Variants in OSBP2 observed in about 807,000 individuals in gnomAD.
The protein encoded by OSBP2 is oxysterol binding protein 2, also known as oxysterol-binding protein 2.
A neutral mutation model predicts 96.0 loss-of-function variants in OSBP2; 66 were observed. That is an observed-to-expected ratio of 0.69 (90% CI 0.56 to 0.84). OSBP2 has a LOEUF of 0.84. Ranked by LOEUF, OSBP2 falls within the 40% of genes least tolerant of loss-of-function variation. The pLI, the probability that OSBP2 is intolerant of heterozygous loss-of-function variation, is 0.00. For synonymous variants in OSBP2, 525 were observed against 520.9 expected, an observed-to-expected ratio of 1.01 and a Z score of -0.11; for missense variants, 1,038 against 1,222.7, an observed-to-expected ratio of 0.85 and a Z score of 2.25.
intron 2 of OSBP2, among the ~76,000 whole-genome samples, chr22:30,845,222 G>C (rs1237695743): frequency 1.3e-5 from 2 of 152,190 alleles, no homozygotes; most frequent in Non-Finnish European, 2.9e-5. Context: ...CCTGAGGTCA[G>C]GAGTTTACAG....
intron 2 of OSBP2, among the ~76,000 whole-genome samples, chr22:30,868,231 C>T (rs538312598): frequency 3.3e-5 from 5 of 152,390 alleles, no homozygotes; most frequent in African/African-American, 1.2e-4. Context: ...GCAGACAGAG[C>T]TGGACTCAGA....
At chr22:30,818,214 C>T (rs1467564509) in intron 2 of OSBP2, among the ~76,000 whole-genome samples, 2 of 152,152 alleles carry the variant, frequency 1.3e-5, no homozygotes, top group African/African-American at 2.4e-5. Flanking sequence ...ACTGTTTTAA[C>T]ATGTCAGTAT....
At chr22:30,875,687 C>A (rs1392646320) in intron 3 of OSBP2, among the ~76,000 whole-genome samples, 1 of 152,198 alleles carries the variant, frequency 6.6e-6, no homozygotes, top group Non-Finnish European at 1.5e-5. Flanking sequence ...AGGGTTCTTT[C>A]TAGCCGGACT....
chr22:30,812,574 T>C (rs2091023949), intron 2 of OSBP2, among the ~76,000 whole-genome samples: 1 of 152,230 alleles, frequency 6.6e-6, no homozygotes, highest in African/African-American at 2.4e-5. Context: ...TTCCAGAAAG[T>C]GCTGTGCAAA....
At chr22:30,829,158 C>G (rs562774386) in intron 2 of OSBP2, among the ~76,000 whole-genome samples, 1 of 152,202 alleles carries the variant, frequency 6.6e-6, no homozygotes, top group African/African-American at 2.4e-5. Context: ...GAGAACATAG[C>G]GTGCTCTCCA....
At position 30,906,806 on chromosome 22, in the gene OSBP2, G is replaced by A. The variant is rs2040345658; in HGVS notation, c.*467G>A. ...GACAGCTTTCCAAGTGTGCTTTCTT[G>A]CCACAAAAGTGTCCTGGCAAGAGCC... On this transcript the variant is annotated 3_prime_UTR_variant, in exon 14 of 14. Coordinates refer to ENST00000332585, the MANE Select transcript of OSBP2 (RefSeq NM_030758.4). 6.5e-6 allele frequency: 1 copy of A among 153,582 alleles called. No homozygotes were observed. The highest frequency in any genetic ancestry group is 1.9e-4 in the East Asian group (1 of 5,230). 9.5% of individuals were successfully genotyped at this position (153,582 alleles called of 1,614,324 possible). A position where few individuals can be genotyped will look rare whatever the true frequency, so the allele number is the denominator to read the frequency against.
intron 2 of OSBP2, among the ~76,000 whole-genome samples, chr22:30,859,999 A>C (rs1022387689): frequency 6.6e-6 from 1 of 152,146 alleles, no homozygotes; most frequent in Non-Finnish European, 1.5e-5. Flanking sequence ...GGAGCAAGGG[A>C]TGGAGCTGGA....
At chr22:30,694,303 G>A, upstream of OSBP2, 1 of 1,549,154 alleles carries the variant, frequency 6.5e-7, no homozygotes, top group Non-Finnish European at 8.7e-7. Flanking sequence ...CGGCCACTTG[G>A]GGCCACCGCT....
intron 1 of OSBP2, among the ~76,000 whole-genome samples, chr22:30,706,349 TAA>T (rs2089253015): frequency 6.6e-6 from 1 of 152,126 alleles, no homozygotes; most frequent in African/African-American, 2.4e-5. Context: ...CTTTTTTTTT[TAA>T]GAGTCCTTGG....
At position 30,695,230 on chromosome 22, in the gene OSBP2, G is replaced by A; in HGVS notation, c.321G>A (p.Gly107=). Residue 107 remains glycine (G), a synonymous_variant, in exon 1 of 14, where the codon GGG becomes GGA. Coordinates refer to ENST00000332585, the MANE Select transcript of OSBP2 (RefSeq NM_030758.4). ...AACTGCTGCAGGGGTCGCGGCCGGG[G>A]TCAGAGTCAAGCTCAGGTGTAGGGG... ...PSELLQGSRP[G]SESSSGVGAG... 2 of 1,613,408 alleles carry A rather than the reference G, an allele frequency of 1.2e-6. 1 individual carries two copies. The highest frequency in any genetic ancestry group is 1.7e-6 in the Non-Finnish European group (2 of 1,179,814).
At chr22:30,783,811 C>T (rs542834997) in intron 2 of OSBP2, among the ~76,000 whole-genome samples, 4 of 152,324 alleles carry the variant, frequency 2.6e-5, no homozygotes, top group African/African-American at 4.8e-5. Context: ...CTCAACCTGG[C>T]GCTCTTGCTC....
intron 2 of OSBP2, among the ~76,000 whole-genome samples, chr22:30,745,636 C>T (rs1334656627): frequency 7.1e-6 from 1 of 141,722 alleles, no homozygotes; most frequent in East Asian, 2.0e-4. Context: ...CACTGCGCTC[C>T]AGCCTGGGCA....
intron 3 of OSBP2, among the ~76,000 whole-genome samples, chr22:30,884,485 A>T (rs1269250668): frequency 6.6e-6 from 1 of 152,184 alleles, no homozygotes; most frequent in Admixed American, 6.5e-5. Context: ...TTCCTTGGGC[A>T]GGCCATGTTG....
At chr22:30,767,251 A>T (rs924554875) in intron 2 of OSBP2, among the ~76,000 whole-genome samples, 1 of 151,576 alleles carries the variant, frequency 6.6e-6, no homozygotes, top group Non-Finnish European at 1.5e-5. Flanking sequence ...CAAAGGTTTC[A>T]GTGAGCTAAG....
At chr22:30,866,364 C>T (rs1302210593) in intron 2 of OSBP2, among the ~76,000 whole-genome samples, 4 of 152,216 alleles carry the variant, frequency 2.6e-5, no homozygotes, top group Non-Finnish European at 5.9e-5. Context: ...AACGCCTTCT[C>T]CCCTGGAGCC....
intron 2 of OSBP2, among the ~76,000 whole-genome samples, chr22:30,755,008 G>C (rs921903755): frequency 2.0e-5 from 3 of 152,094 alleles, no homozygotes; most frequent in African/African-American, 7.2e-5. Context: ...TCTTTCTGCT[G>C]GGCAGCCTCT....
chr22:30,704,802 A>G (rs1381800878), intron 1 of OSBP2, among the ~76,000 whole-genome samples: 1 of 152,142 alleles, frequency 6.6e-6, no homozygotes, highest in Non-Finnish European at 1.5e-5. Context: ...AGGCACAGTG[A>G]GCCACCCTTA....
At chr22:30,819,722 A>AT (rs136227) in intron 2 of OSBP2, among the ~76,000 whole-genome samples, 9,483 of 152,112 alleles carry the variant, frequency 0.062, 319 homozygotes, top group Middle Eastern at 0.082. Context: ...TTTTAAAATT[A>AT]TTTTTTCTGT....
chr22:30,714,195 A>G (rs925081072), intron 1 of OSBP2, among the ~76,000 whole-genome samples: 1 of 152,198 alleles, frequency 6.6e-6, no homozygotes, highest in African/African-American at 2.4e-5. Flanking sequence ...TTTACTTAAC[A>G]TAATGTTCTC....
Sources: gnomAD v4.1 joint callset for allele counts (sites outside exome capture counted in the v4.1 genomes callset) on GRCh38, gnomAD v4.1.1 for gene constraint, MANE v1.5 for transcripts, NCBI Gene and HGNC (gene_info 2026-07-23, HGNC 2026-07-21) for gene names.